Variants in HNRNPDL observed in about 807,000 individuals in gnomAD.
HNRNPDL encodes the protein heterogeneous nuclear ribonucleoprotein D-like.
Under a neutral mutation model 48.0 loss-of-function variants are expected in HNRNPDL, and 18 were observed. The ratio of observed to expected loss-of-function variants is 0.38; its 90% CI spans 0.26 to 0.56. The LOEUF is 0.56. HNRNPDL is among the 20% of genes least tolerant of loss of function. The pLI is 0.77. For synonymous variants in HNRNPDL, 306 were observed against 207.3 expected, an observed-to-expected ratio of 1.48 and a Z score of -4.09; for missense variants, 553 against 540.7, an observed-to-expected ratio of 1.02 and a Z score of -0.23.
Position 82,426,641 on chromosome 4 carries a change from A to C in HNRNPDL, c.1022-8T>G. 6.2e-7 allele frequency: 1 copy of C among 1,612,502 alleles called. No homozygotes were observed. The highest frequency in any genetic ancestry group is 8.5e-7 in the Non-Finnish European group (1 of 1,178,830). On this transcript the variant is annotated splice_region_variant and splice_polypyrimidine_tract_variant and intron_variant, in intron 5 of 7. Transcript: ENST00000295470. ...TCCAGTTTTGGCCCTGACCTGAAAC[A>C]ATGCACAATGATTGTTAGGAAACAA...
Position 82,428,083 on chromosome 4 carries a change from C to A in HNRNPDL, c.709G>T (p.Val237Leu). 6.2e-7 allele frequency: 1 copy of A among 1,614,148 alleles called. No individual in the cohort carries two copies. The highest frequency in any genetic ancestry group is 8.5e-7 in the Non-Finnish European group (1 of 1,179,976). ...KGKEPPKKVF[V>L]GGLSPDTSEE... ...GAAGTATCCGGGCTCAATCCACCCA[C>A]AAAAACCTTTTTGGGAGGTTCTTTC... Residue 237 changes from valine to leucine, a missense_variant, in exon 3 of 8, where the codon GTG becomes TTG. Transcript: ENST00000295470.
In HNRNPDL at chr4:82,423,765, C is replaced by G. The variant is rs144376145; in HGVS notation, c.*1141G>C. The stretch of plus-strand genomic sequence containing the variant: ...CTTTTCAATGCACCCAGAGGGTCCA[C>G]TGTAATGACTCAGTCACATTTGTAA... On this transcript the variant is annotated 3_prime_UTR_variant, in exon 8 of 8. Coordinates refer to ENST00000295470, the MANE Select transcript of HNRNPDL (RefSeq NM_031372.4). 6.6e-6 allele frequency: 1 copy of G among 152,348 alleles called. No individual in the cohort carries two copies. The highest frequency in any genetic ancestry group is 1.9e-4 in the East Asian group (1 of 5,188). 9.4% of individuals were successfully genotyped at this position (152,348 alleles called of 1,614,324 possible). A position where few individuals can be genotyped will look rare whatever the true frequency, so the allele number is the denominator to read the frequency against.
intron 1 of HNRNPDL, among the ~76,000 whole-genome samples, chr4:82,428,922 C>T (rs1158704201): frequency 1.3e-5 from 2 of 152,228 alleles, no homozygotes; most frequent in Non-Finnish European, 2.9e-5. Flanking sequence ...GTAACAGAGA[C>T]ACAATGAAGA....
At position 82,426,421 on chromosome 4, in the gene HNRNPDL, T is replaced by C. The variant is rs373781087; in HGVS notation, c.1192+42A>G. ...ACAGGATTGTATGTTAACAATGAATTTTAATACCACTGCTTTATAAAATTA... is the reference window on the plus strand; with the variant it reads ...ACAGGATTGTATGTTAACAATGAATCTTAATACCACTGCTTTATAAAATTA... On this transcript the variant is annotated intron_variant, in intron 6 of 7. Coordinates refer to ENST00000295470, the MANE Select transcript of HNRNPDL (RefSeq NM_031372.4). 1.6e-4 allele frequency: 246 copies of C among 1,544,822 alleles called. 1 individual carries two copies. The highest frequency in any genetic ancestry group is 2.0e-4 in the Non-Finnish European group (222 of 1,121,744).
Position 82,423,802 on chromosome 4 carries a change from CATTTGTAATGACTTTGTCAT to C in HNRNPDL, c.*1084_*1103del, listed in dbSNP as rs1721296085. ...AGTCACATTTGTAATGACTTAGTCACATTTGTAATGACTTTGTCATAACCAAGATACCTTTTCCACTATTC... is the reference window on the plus strand; with the variant it reads ...AGTCACATTTGTAATGACTTAGTCACAACCAAGATACCTTTTCCACTATTC... On this transcript the variant is annotated 3_prime_UTR_variant, in exon 8 of 8. Transcript: ENST00000295470. The C allele has an allele frequency of 7.5e-6, 1 of 133,438 alleles. No homozygotes were observed. Among genetic ancestry groups the C allele is most frequent in the South Asian group, 2.3e-4 (1 of 4,296 alleles). 8.3% of individuals were successfully genotyped at this position (133,438 alleles called of 1,614,324 possible). A position where few individuals can be genotyped will look rare whatever the true frequency, so the allele number is the denominator to read the frequency against.
chr4:82,429,243 G>T lies in HNRNPDL; in HGVS notation c.443+5C>A, dbSNP rs759145489. On this transcript the variant is annotated splice_donor_5th_base_variant and intron_variant, in intron 1 of 7. Transcript: ENST00000295470. ...AGGGGGAGCGGGGGAAGAAGCGTGC[G>T]GTACCCGTCATCCTGCTGATTCTTG... The T allele has an allele frequency of 5.0e-6, 8 of 1,612,762 alleles. No individual in the cohort carries two copies. In the East Asian group the frequency reaches 1.8e-4, roughly 36 times the overall value.
rs1008898009 is a variant in HNRNPDL at position 82,422,887 on chromosome 4, T to A, written c.*2019A>T. 6.6e-6 allele frequency: 1 copy of A among 152,214 alleles called. No homozygotes were observed. Among genetic ancestry groups the A allele is most frequent in the Non-Finnish European group, 1.5e-5 (1 of 68,024 alleles). The allele number at this position is 152,214 out of a possible 1,614,324, so 9.4% of individuals were successfully genotyped here. A position where few individuals can be genotyped will look rare whatever the true frequency, so the allele number is the denominator to read the frequency against. On this transcript the variant is annotated 3_prime_UTR_variant, in exon 8 of 8. Coordinates refer to ENST00000295470, the MANE Select transcript of HNRNPDL (RefSeq NM_031372.4). ...ATAGGTACTTTAGAATTCATTTCTA[T>A]CCCCTCCCCAATAAACTTGTCCAAT...
At position 82,427,998 on chromosome 4, in the gene HNRNPDL, G is replaced by A. The variant is rs1031368242; in HGVS notation, c.774+20C>T. 3.1e-6 allele frequency: 5 copies of A among 1,608,806 alleles called. No homozygotes were observed. The African/African-American group carries it at 5.4e-5, about 17-fold the overall frequency. ...TTTATAAACACATCAAGCTTAACAT[G>A]TGTAAACATAATCACACACCTCTCC... On this transcript the variant is annotated intron_variant, in intron 3 of 7. Coordinates refer to ENST00000295470, the MANE Select transcript of HNRNPDL (RefSeq NM_031372.4).
chr4:82,429,217 G>A (rs773326362), intron 1 of HNRNPDL, 31 bp downstream of exon 1: 19 of 1,601,238 alleles, frequency 1.2e-5, no homozygotes, highest in East Asian at 4.5e-5. Context: ...CGCGCTGGGG[G>A]AGGGGGAGCG....
chr4:82,428,918 G>A (rs902008633), intron 1 of HNRNPDL, among the ~76,000 whole-genome samples: 1 of 152,212 alleles, frequency 6.6e-6, no homozygotes, highest in African/African-American at 2.4e-5. Context: ...AGTGGTAACA[G>A]AGACACAATG....
chr4:82,429,498 G>A lies in HNRNPDL; in HGVS notation c.193C>T (p.Gln65Ter). 6.4e-7 allele frequency: 1 copy of A among 1,553,108 alleles called. No homozygotes were observed. The part of the protein sequence containing the change: ...RRAQRHVTAQ[Q>*]PSRLAGGAAI... ...GCCCCGCCCGCCAATCGGGAGGGCT[G>A]CTGGGCGGTGACGTGGCGCTGGGCC... The change falls in exon 1 of 8, where the codon CAG becomes TAG. Residue 65 changes from glutamine to a stop codon, truncating the protein, a stop_gained. Coordinates refer to ENST00000295470, the MANE Select transcript of HNRNPDL (RefSeq NM_031372.4). LOFTEE classifies it high-confidence loss of function.
rs1359069390 is a variant in HNRNPDL, at chr4:82,422,819, A to T, written c.*2087T>A. 6.6e-6 allele frequency: 1 copy of T among 152,256 alleles called. No homozygotes were observed. The highest frequency in any genetic ancestry group is 1.5e-5 in the Non-Finnish European group (1 of 68,042). 9.4% of individuals were successfully genotyped at this position (152,256 alleles called of 1,614,324 possible). On this transcript the variant is annotated 3_prime_UTR_variant, in exon 8 of 8. Coordinates refer to ENST00000295470, the MANE Select transcript of HNRNPDL (RefSeq NM_031372.4). ...ACACAGAATTTGGTCTAAACAATGTAAAAGGCAAATACGATGTAAAAAACA... is the reference window on the plus strand; with the variant it reads ...ACACAGAATTTGGTCTAAACAATGTTAAAGGCAAATACGATGTAAAAAACA...
At chr4:82,426,934 G>T (rs1158837033) in intron 5 of HNRNPDL, among the ~76,000 whole-genome samples, 1 of 151,936 alleles carries the variant, frequency 6.6e-6, no homozygotes, top group African/African-American at 2.4e-5. Flanking sequence ...ATCACACCAC[G>T]GTGTATCATG....
rs11552701 is a variant in HNRNPDL, at chr4:82,429,376, G to A, written c.315C>T (p.Thr105=). 3.7e-6 allele frequency: 6 copies of A among 1,613,540 alleles called. No individual in the cohort carries two copies. In the African/African-American group the frequency reaches 4.0e-5, roughly 11 times the overall value. ...CAGGGGGGTGCTGGCGCGCAGTCCG[G>A]GTCGCGGCAGCAGCGGCGGCGGAGC... The part of the protein sequence containing the change: ...IQRSAAAAAA[T]RTARQHPPAD... Residue 105 remains threonine (T), a synonymous_variant, in exon 1 of 8, where the codon ACC becomes ACT. Coordinates refer to ENST00000295470, the MANE Select transcript of HNRNPDL (RefSeq NM_031372.4).
chr4:82,427,274 C>A lies in HNRNPDL; in HGVS notation c.937G>T (p.Val313Leu), dbSNP rs1213271721. ...TGTTGTTGCTGTTGCTGCCTATATA[C>A]CTCTTTGGGTTGTGCAACTTTGATT... The part of the protein sequence containing the change: ...CEIKVAQPKE[V>L]YRQQQQQQKG... Residue 313 changes from valine to leucine, a missense_variant, in exon 5 of 8, where the codon GTA becomes TTA. Coordinates refer to ENST00000295470, the MANE Select transcript of HNRNPDL (RefSeq NM_031372.4). 6.2e-7 allele frequency: 1 copy of A among 1,612,834 alleles called. No homozygotes were observed. The highest frequency in any genetic ancestry group is 8.5e-7 in the Non-Finnish European group (1 of 1,179,564).
chr4:82,429,364 G>A lies in HNRNPDL; in HGVS notation c.327C>T (p.Arg109=), dbSNP rs1721587178. The part of the protein sequence containing the change: ...AAAAAATRTA[R]QHPPADSSVT... ...CGGAGCTGTCGGCAGGGGGGTGCTG[G>A]CGCGCAGTCCGGGTCGCGGCAGCAG... The change falls in exon 1 of 8, where the codon CGC becomes CGT. Residue 109 remains arginine (R), a synonymous_variant. Coordinates refer to ENST00000295470, the MANE Select transcript of HNRNPDL (RefSeq NM_031372.4). The A allele has an allele frequency of 6.2e-7, 1 of 1,613,584 alleles. No homozygotes were observed. The highest frequency in any genetic ancestry group is 8.5e-7 in the Non-Finnish European group (1 of 1,179,880).
rs753504406 is a variant in HNRNPDL at position 82,426,019 on chromosome 4, C to G, written c.*22+18G>C. 6.9e-7 allele frequency: 1 copy of G among 1,439,816 alleles called. No individual in the cohort carries two copies. The highest frequency in any genetic ancestry group is 9.8e-7 in the Non-Finnish European group (1 of 1,023,526). The allele number at this position is 1,439,816 out of a possible 1,614,324, so 89.2% of individuals were successfully genotyped here. On this transcript the variant is annotated intron_variant, in intron 7 of 7. Transcript: ENST00000295470. The stretch of plus-strand genomic sequence containing the variant: ...TAAATTAGACATTTCTACTGTTTTC[C>G]TGTACTCTTATACACACCTGTTTTC...
chr4:82,425,623 GAT>G, intron 7 of HNRNPDL: 1 of 170,692 alleles, frequency 5.9e-6, no homozygotes, highest in South Asian at 1.4e-4. Context: ...GACCCCCAGA[GAT>G]AGACGTGGTC....
In HNRNPDL at chr4:82,429,467, A is replaced by G. The variant is rs1302470599; in HGVS notation, c.224T>C (p.Ile75Thr). The change falls in exon 1 of 8, where the codon ATA (isoleucine) becomes ACA (threonine). Residue 75 changes from isoleucine (I) to threonine (T), a missense_variant. This residue lies in a region of HNRNPDL where 327 missense variants were observed against 203.2 expected (regional missense o/e 1.61). Coordinates refer to ENST00000295470, the MANE Select transcript of HNRNPDL (RefSeq NM_031372.4). ...QPSRLAGGAA[I>T]KGGRRRRPDL... ...CGGGCGCCGCCTGCGCCCTCCCTTT[A>G]TAGCCGCCCCGCCCGCCAATCGGGA... The G allele has an allele frequency of 1.3e-5, 20 of 1,589,880 alleles. No homozygotes were observed. The highest frequency in any genetic ancestry group is 1.7e-5 in the Non-Finnish European group (20 of 1,168,304).
Sources: allele counts gnomAD v4.1 joint callset (sites outside exome capture counted in the v4.1 genomes callset), GRCh38; gene constraint gnomAD v4.1.1; regional missense constraint gnomAD v4.1.1; transcripts MANE v1.5; gene names NCBI Gene and HGNC (gene_info 2026-07-23, HGNC 2026-07-21).